The following SGSM1 variants were observed in gnomAD, a reference collection of about 807,000 sequenced individuals.
SGSM1 encodes small G protein signaling modulator 1.
In SGSM1, 73 loss-of-function variants were observed where a neutral mutation model predicts 133.8. That is an observed-to-expected ratio of 0.55 (90% CI 0.45 to 0.66). The LOEUF is 0.66. Ranked by LOEUF, SGSM1 falls within the 30% of genes least tolerant of loss-of-function variation. The pLI, the probability that SGSM1 is intolerant of heterozygous loss-of-function variation, is 0.00. For missense variants in SGSM1, 1,213 were observed against 1,448.1 expected, an observed-to-expected ratio of 0.84 and a Z score of 2.64; for synonymous variants, 563 against 573.0, an observed-to-expected ratio of 0.98 and a Z score of 0.25.
rs139699 is a variant in SGSM1 at position 24,858,635 on chromosome 22, C to CAAAAAAAAA, written c.802-1068_802-1060dup. 8.0e-4 allele frequency among the ~76,000 whole-genome samples: 66 copies of CAAAAAAAAA among 83,014 alleles called. 1 individual carries two copies. Among genetic ancestry groups the CAAAAAAAAA allele is most frequent in the African/African-American group, 2.3e-3 (65 of 27,946 alleles). The allele number at this position is 83,014 out of a possible 152,430, so 54.5% of individuals were successfully genotyped here. On this transcript the variant is annotated intron_variant, in intron 8 of 24. Transcript: ENST00000400358. ...TTGGCAACAGAGCGAGACTCCATCTCAAAAAAAAAAAAAAAAAAAAAGAAG... is the reference window on the plus strand; with the variant it reads ...TTGGCAACAGAGCGAGACTCCATCTCAAAAAAAAAAAAAAAAAAAAAAAAAAAAAAGAAG...
At chr22:24,819,660 A>G (rs1026825068) in intron 2 of SGSM1, among the ~76,000 whole-genome samples, 5 of 152,172 alleles carry the variant, frequency 3.3e-5, no homozygotes, top group Admixed American at 2.6e-4. Context: ...CATTTTACAG[A>G]TAAGTACTAT....
intron 21 of SGSM1, among the ~76,000 whole-genome samples, 153 bp downstream of exon 21, chr22:24,905,340 TA>T (rs1004890392): frequency 6.6e-6 from 1 of 152,100 alleles, no homozygotes; most frequent in African/African-American, 2.4e-5. Flanking sequence ...CCTAGTGAAA[TA>T]AAAAAGTCCT....
At position 24,855,057 on chromosome 22, in the gene SGSM1, T is replaced by C; in HGVS notation, c.517T>C (p.Leu173=). The C allele has an allele frequency of 6.2e-7, 1 of 1,612,920 alleles. No individual in the cohort carries two copies. The highest frequency in any genetic ancestry group is 1.7e-4 in the Middle Eastern group (1 of 6,058). The part of the protein sequence containing the change: ...DPVDGPILAS[L]LVGPCALEYT... ...TGTGGACGGCCCCATCCTTGCATCT[T>C]TGTTGGGTAAGTTGTCCTGTGTGCT... Residue 173 remains leucine, a synonymous_variant, in exon 6 of 25, where the codon TTG becomes CTG. Transcript: ENST00000400358.
chr22:24,808,432 G>A (rs886882846), intron 2 of SGSM1, among the ~76,000 whole-genome samples: 3 of 152,146 alleles, frequency 2.0e-5, no homozygotes, highest in Non-Finnish European at 4.4e-5. Flanking sequence ...CTTTTCAATA[G>A]AACTCACAGA....
intron 2 of SGSM1, among the ~76,000 whole-genome samples, chr22:24,840,587 C>T (rs1929732064): frequency 6.6e-6 from 1 of 151,964 alleles, no homozygotes; most frequent in African/African-American, 2.4e-5. Flanking sequence ...AGGTAATCCG[C>T]CCGCCTCAGC....
At chr22:24,921,703 C>CCT (rs1381607859) in intron 24 of SGSM1, among the ~76,000 whole-genome samples, 3 of 145,578 alleles carry the variant, frequency 2.1e-5, no homozygotes, top group Non-Finnish European at 4.5e-5. Flanking sequence ...ACATATGTAT[C>CCT]TTTTTTTTTT....
intron 9 of SGSM1, among the ~76,000 whole-genome samples, chr22:24,866,700 A>G (rs1056208607): frequency 1.3e-5 from 2 of 152,136 alleles, no homozygotes; most frequent in Non-Finnish European, 2.9e-5. Flanking sequence ...TCTCTTTCCC[A>G]GTCATTCAAA....
At chr22:24,923,206 A>G (rs1934073063) in intron 24 of SGSM1, among the ~76,000 whole-genome samples, 1 of 152,180 alleles carries the variant, frequency 6.6e-6, no homozygotes, top group South Asian at 2.1e-4. Context: ...ACTCCAGCTA[A>G]CAGTTGACAT....
chr22:24,881,806 A>G (rs139557936), intron 14 of SGSM1, among the ~76,000 whole-genome samples: 1,812 of 152,266 alleles, frequency 0.012, 37 homozygotes, highest in African/African-American at 0.04. Context: ...TGAGGATGAA[A>G]TAGTCTTGGA....
intron 16 of SGSM1, among the ~76,000 whole-genome samples, chr22:24,889,001 G>A (rs150709012): frequency 2.4e-3 from 294 of 123,302 alleles, no homozygotes; most frequent in Middle Eastern, 8.3e-3. Context: ...TTGCTCTGTC[G>A]CCCAGGCTAG....
chr22:24,858,937 G>A (rs1299610851), intron 8 of SGSM1, among the ~76,000 whole-genome samples: 7 of 152,228 alleles, frequency 4.6e-5, no homozygotes, highest in Admixed American at 2.0e-4. Flanking sequence ...GGGCAGCCAC[G>A]TCACAGTTGT....
At chr22:24,893,935 G>A (rs999761360) in intron 17 of SGSM1, among the ~76,000 whole-genome samples, 4 of 152,176 alleles carry the variant, frequency 2.6e-5, no homozygotes, top group African/African-American at 7.2e-5. Context: ...AGTGCCTGGC[G>A]CACTGCCTGA....
At chr22:24,839,411 G>A (rs1254738220) in intron 2 of SGSM1, among the ~76,000 whole-genome samples, 2 of 152,114 alleles carry the variant, frequency 1.3e-5, no homozygotes, top group African/African-American at 2.4e-5. Flanking sequence ...TTAGCATTTT[G>A]TTGAGGATTC....
rs968311788 is a variant in SGSM1, at chr22:24,926,816, G to T, written c.*2542G>T. Reference sequence around the variant, plus strand: ...CTGAAGAGTTGTGTCTATATATAGAGAAAATATATATAAACAGAGAAATAT... The same window carrying T: ...CTGAAGAGTTGTGTCTATATATAGATAAAATATATATAAACAGAGAAATAT... On this transcript the variant is annotated 3_prime_UTR_variant, in exon 25 of 25. Transcript: ENST00000400358. The T allele has an allele frequency of 8.6e-5, 13 of 151,714 alleles. No homozygotes were observed. Among genetic ancestry groups the T allele is most frequent in the African/African-American group, 3.1e-4 (13 of 41,294 alleles). 9.4% of individuals were successfully genotyped at this position (151,714 alleles called of 1,614,324 possible).
intron 5 of SGSM1, among the ~76,000 whole-genome samples, chr22:24,851,760 C>T (rs775619518): frequency 1.9e-4 from 29 of 152,090 alleles, no homozygotes; most frequent in Non-Finnish European, 2.9e-4. Context: ...GATGGCGCAA[C>T]GGTTAAGCTT....
chr22:24,895,424 C>A, intron 18 of SGSM1, 133 bp downstream of exon 18: 1 of 943,676 alleles, frequency 1.1e-6, no homozygotes, highest in Non-Finnish European at 1.6e-6. Context: ...TAGCATTAAA[C>A]ATTGTTTTTT....
At chr22:24,904,709 A>G (rs1471494874) in intron 20 of SGSM1, among the ~76,000 whole-genome samples, 2 of 152,222 alleles carry the variant, frequency 1.3e-5, no homozygotes, top group African/African-American at 4.8e-5. Context: ...ATACAGAAAC[A>G]TAAATTTGTG....
intron 2 of SGSM1, among the ~76,000 whole-genome samples, chr22:24,817,703 C>G (rs943935545): frequency 1.2e-5 from 1 of 85,388 alleles, no homozygotes; most frequent in East Asian, 1.2e-3. Context: ...AACCCAAATA[C>G]CCAAGTACGG....
At chr22:24,901,749 G>A (rs897402297) in intron 19 of SGSM1, 84 bp from the exon 20 acceptor site, 3 of 1,458,688 alleles carry the variant, frequency 2.1e-6, no homozygotes, top group East Asian at 4.9e-5. Flanking sequence ...GTTAGGAAGA[G>A]GAGATAGGAT....
Sources: gnomAD v4.1 joint callset for allele counts (sites outside exome capture counted in the v4.1 genomes callset) on GRCh38, gnomAD v4.1.1 for gene constraint, MANE v1.5 for transcripts, NCBI Gene and HGNC (gene_info 2026-07-23, HGNC 2026-07-21) for gene names.